The following GPC5 variants were observed in gnomAD, a reference collection of about 807,000 sequenced individuals.
GPC5 encodes glypican-5.
GPC5 carries 47 observed loss-of-function variants against 53.9 expected under a neutral mutation model. The ratio of observed to expected loss-of-function variants is 0.87; its 90% CI spans 0.69 to 1.11. GPC5 has a LOEUF of 1.11. Among genes scored for constraint, GPC5 ranks in the 50% most tolerant of loss-of-function variants. GPC5 has a pLI of 0.00. For missense variants in GPC5, 748 were observed against 713.1 expected, an observed-to-expected ratio of 1.05 and a Z score of -0.56; for synonymous variants, 286 against 263.3, an observed-to-expected ratio of 1.09 and a Z score of -0.84.
chr13:92,789,552 ATTAAT>A (rs1317320366), intron 7 of GPC5, among the ~76,000 whole-genome samples: 13 of 152,016 alleles, frequency 8.6e-5, no homozygotes, highest in African/African-American at 3.1e-4. Context: ...CTTCACAAAT[ATTAAT>A]TTATTTAATC....
intron 7 of GPC5, among the ~76,000 whole-genome samples, chr13:92,429,804 A>T (rs1157895500): frequency 6.6e-6 from 1 of 152,158 alleles, no homozygotes; most frequent in Non-Finnish European, 1.5e-5. Context: ...TTTTGTAATC[A>T]TTAAGAATTA....
At chr13:92,102,617 A>T (rs2041476375) in intron 6 of GPC5, among the ~76,000 whole-genome samples, 1 of 152,226 alleles carries the variant, frequency 6.6e-6, no homozygotes, top group South Asian at 2.1e-4. Context: ...TTGGTGGTTC[A>T]GAAATCCTAA....
At chr13:91,973,070 T>C (rs952698306) in intron 6 of GPC5, among the ~76,000 whole-genome samples, 2 of 152,240 alleles carry the variant, frequency 1.3e-5, no homozygotes, top group Admixed American at 6.5e-5. Context: ...GTTTTCCAAC[T>C]TGGTTCCATT....
At chr13:91,679,934 C>G (rs999695677) in intron 2 of GPC5, among the ~76,000 whole-genome samples, 1 of 151,568 alleles carries the variant, frequency 6.6e-6, no homozygotes, top group Admixed American at 6.6e-5. Flanking sequence ...TTCTGAATAC[C>G]ATTTTTTTTT....
At chr13:91,508,067 T>C (rs1885040852) in intron 2 of GPC5, among the ~76,000 whole-genome samples, 1 of 152,200 alleles carries the variant, frequency 6.6e-6, no homozygotes, top group Non-Finnish European at 1.5e-5. Flanking sequence ...ATAAGTGACC[T>C]TTCTTCTTAT....
chr13:92,390,356 G>A (rs1403756795), intron 7 of GPC5, among the ~76,000 whole-genome samples: 6 of 152,074 alleles, frequency 3.9e-5, no homozygotes, highest in Non-Finnish European at 7.4e-5. Context: ...TTGTGGGCAC[G>A]TTTTGTTTAG....
chr13:92,409,229 G>T (rs1875938192), intron 7 of GPC5, among the ~76,000 whole-genome samples: 1 of 151,656 alleles, frequency 6.6e-6, no homozygotes, highest in Non-Finnish European at 1.5e-5. Context: ...ACCCCAGAAG[G>T]CAATATTGAC....
intron 2 of GPC5, among the ~76,000 whole-genome samples, chr13:91,669,730 T>C (rs560826658): frequency 6.6e-6 from 1 of 152,284 alleles, no homozygotes; most frequent in East Asian, 1.9e-4. Context: ...TAATTGTCCA[T>C]AGAAGTAAAC....
intron 7 of GPC5, among the ~76,000 whole-genome samples, chr13:92,376,317 T>A (rs1363990481): frequency 1.3e-5 from 2 of 152,228 alleles, no homozygotes; most frequent in African/African-American, 2.4e-5. Context: ...AACGATCTGG[T>A]GGAGCATATT....
intron 6 of GPC5, among the ~76,000 whole-genome samples, chr13:91,962,834 A>T (rs1218897155): frequency 6.6e-6 from 1 of 152,210 alleles, no homozygotes; most frequent in East Asian, 1.9e-4. Context: ...GAGGTCATAT[A>T]ATAGTGGCCT....
At chr13:91,777,701 C>G (rs1003994446) in intron 5 of GPC5, among the ~76,000 whole-genome samples, 1 of 149,984 alleles carries the variant, frequency 6.7e-6, no homozygotes, top group African/African-American at 2.4e-5. Flanking sequence ...AAGTTCAGAC[C>G]TTAGATAGGA....
chr13:91,807,943 T>C (rs1404173898), intron 5 of GPC5, among the ~76,000 whole-genome samples: 1 of 152,162 alleles, frequency 6.6e-6, no homozygotes, highest in Admixed American at 6.6e-5. Context: ...AACAGACCAA[T>C]GTGCAGTGAA....
At chr13:92,271,981 A>G (rs974124299) in intron 7 of GPC5, among the ~76,000 whole-genome samples, 4 of 152,194 alleles carry the variant, frequency 2.6e-5, no homozygotes, top group Non-Finnish European at 4.4e-5. Context: ...GACGGGAGTC[A>G]ATCATCTGAT....
chr13:92,682,349 T>C (rs1887137544), intron 7 of GPC5, among the ~76,000 whole-genome samples: 1 of 152,194 alleles, frequency 6.6e-6, no homozygotes, highest in African/African-American at 2.4e-5. Flanking sequence ...TATGACTTTA[T>C]AGATTAATTT....
At chr13:92,023,058 C>G (rs2138793501) in intron 6 of GPC5, among the ~76,000 whole-genome samples, 1 of 152,162 alleles carries the variant, frequency 6.6e-6, no homozygotes, top group South Asian at 2.1e-4. Context: ...TTTAAACTCT[C>G]TCAGTGCCTA....
chr13:92,442,068 A>C (rs1877597225), intron 7 of GPC5, among the ~76,000 whole-genome samples: 1 of 152,200 alleles, frequency 6.6e-6, no homozygotes, highest in Non-Finnish European at 1.5e-5. Context: ...GGCTGGTAGG[A>C]GTGTATAAAG....
At chr13:92,519,366 A>G (rs145996236) in intron 7 of GPC5, among the ~76,000 whole-genome samples, 1 of 152,328 alleles carries the variant, frequency 6.6e-6, no homozygotes, top group African/African-American at 2.4e-5. Flanking sequence ...AAAATTGACC[A>G]CATAGTTGGA....
At chr13:91,793,932 G>A (rs2038008412) in intron 5 of GPC5, among the ~76,000 whole-genome samples, 1 of 152,174 alleles carries the variant, frequency 6.6e-6, no homozygotes, top group Admixed American at 6.5e-5. Context: ...AATTCGAGAT[G>A]AGATTTGGGT....
rs184678380 is a variant in GPC5 at position 92,550,704 on chromosome 13, A to G, written c.1562-315578A>G. On this transcript the variant is annotated intron_variant, in intron 7 of 7. Transcript: ENST00000377067. Reference sequence around the variant, plus strand: ...TAAAGGTACACTGAAGATTTATGCAATTCTTTTTTATGTAAAAACTACTTG... The same window carrying G: ...TAAAGGTACACTGAAGATTTATGCAGTTCTTTTTTATGTAAAAACTACTTG... Among the ~76,000 whole-genome samples the G allele has an allele frequency of 2.1e-4, 32 of 151,978 alleles. No individual in the cohort carries two copies. In the East Asian group the frequency reaches 6.2e-3, roughly 29 times the overall value.
Sources: gnomAD v4.1 joint callset for allele counts (sites outside exome capture counted in the v4.1 genomes callset) on GRCh38, gnomAD v4.1.1 for gene constraint, MANE v1.5 for transcripts, NCBI Gene and HGNC (gene_info 2026-07-23, HGNC 2026-07-21) for gene names.